The following ANKRD30A variants were observed in gnomAD, a reference collection of about 807,000 sequenced individuals.
The protein encoded by ANKRD30A is ankyrin repeat domain-containing protein 30A.
A neutral mutation model predicts 166.3 loss-of-function variants in ANKRD30A; 170 were observed. The observed-to-expected ratio is 1.02, with a 90% CI of 0.90 to 1.16. ANKRD30A has a LOEUF of 1.16. Among genes scored for constraint, ANKRD30A ranks in the 50% most tolerant of loss-of-function variants. ANKRD30A has a pLI of 0.00. For synonymous variants in ANKRD30A, 564 were observed against 508.9 expected (o/e 1.11, Z -1.46); for missense variants, 1,630 against 1,518.0 (o/e 1.07, Z -1.23).
intron 25 of ANKRD30A, among the ~76,000 whole-genome samples, chr10:37,190,562 G>A (rs942371886): frequency 6.6e-6 from 1 of 151,812 alleles, no homozygotes; most frequent in South Asian, 2.1e-4. Flanking sequence ...AAGAGCAGAA[G>A]TCTAGTGATT....
At chr10:37,129,596 A>T (rs1372572343) in intron 1 of ANKRD30A, among the ~76,000 whole-genome samples, 3 of 152,142 alleles carry the variant, frequency 2.0e-5, no homozygotes, top group South Asian at 2.1e-4. Flanking sequence ...TTGATGAGAA[A>T]ATTGAGGTGC....
intron 34 of ANKRD30A, among the ~76,000 whole-genome samples, chr10:37,222,235 C>G (rs965212974): frequency 6.6e-6 from 1 of 151,250 alleles, no homozygotes; most frequent in Non-Finnish European, 1.5e-5. Context: ...CTTCACATCT[C>G]TTAGTCATCA....
At chr10:37,248,638 C>T in the ANKRD30A span, among the ~76,000 whole-genome samples, 3 of 151,606 alleles carry the variant, frequency 2.0e-5, no homozygotes, top group Non-Finnish European at 2.9e-5. Flanking sequence ...ATTTTAAATA[C>T]AGTGTTTCTT....
Position 37,217,822 on chromosome 10 carries a change from C to T in ANKRD30A, c.3211C>T (p.Gln1071Ter), listed in dbSNP as rs979109513. 12 of 1,600,706 alleles carry T rather than the reference C, an allele frequency of 7.5e-6. No individual in the cohort carries two copies. The highest frequency in any genetic ancestry group is 1.0e-5 in the Non-Finnish European group (12 of 1,172,926). ...KELEVKQQLE[Q>*]ALRIQDIELK... ...GTTAGAAGTGAAACAACAACTTGAA[C>T]AGGCTCTCAGAATACAAGATATAGA... The change falls in exon 33 of 36, where the codon CAG becomes TAG. Residue 1071 changes from glutamine (Q) to a stop codon, truncating the protein, a stop_gained. Coordinates refer to ENST00000361713, the MANE Select transcript of ANKRD30A (RefSeq NM_052997.3). LOFTEE classifies it high-confidence loss of function.
chr10:37,213,136 ATGT>A (rs1564578697), intron 31 of ANKRD30A, among the ~76,000 whole-genome samples: 1 of 151,604 alleles, frequency 6.6e-6, no homozygotes, highest in African/African-American at 2.4e-5. Flanking sequence ...TCCATCTCTG[ATGT>A]TTTAGTTCTC....
At chr10:37,212,030 A>T (rs1842353770) in intron 31 of ANKRD30A, among the ~76,000 whole-genome samples, 1 of 152,030 alleles carries the variant, frequency 6.6e-6, no homozygotes. Context: ...GCAATCATGC[A>T]GGAGAAGGAA....
Position 37,231,489 on chromosome 10 carries a change from T to TTC in ANKRD30A, c.*22_*23dup. ...TCATGAGAGACAAGCAGTAAGAAAC[T>TTC]TCTTTTGGAGAAACAACAGACCAGA... On this transcript the variant is annotated 3_prime_UTR_variant, in exon 35 of 36. Transcript: ENST00000361713. 6.3e-7 allele frequency: 1 copy of TTC among 1,582,742 alleles called. No individual in the cohort carries two copies. The highest frequency in any genetic ancestry group is 8.6e-7 in the Non-Finnish European group (1 of 1,162,198).
chr10:37,213,668 G>A (rs1463542044), intron 31 of ANKRD30A, among the ~76,000 whole-genome samples: 3 of 149,766 alleles, frequency 2.0e-5, no homozygotes, highest in African/African-American at 4.9e-5. Flanking sequence ...TGTTGTAGAT[G>A]CATTTTACAA....
At chr10:37,167,668 T>C (rs936170202) in intron 19 of ANKRD30A, among the ~76,000 whole-genome samples, 1 of 151,898 alleles carries the variant, frequency 6.6e-6, no homozygotes, top group African/African-American at 2.4e-5. Context: ...CATGAGTGGA[T>C]TAAGAGATAT....
the ANKRD30A span, among the ~76,000 whole-genome samples, chr10:37,257,398 T>G: frequency 1.3e-5 from 2 of 152,092 alleles, no homozygotes; most frequent in Non-Finnish European, 2.9e-5. Flanking sequence ...CTCTGTCTCC[T>G]TCAGTTCTAC....
At chr10:37,235,431 A>C (rs1487317715), downstream of ANKRD30A, among the ~76,000 whole-genome samples, 1 of 152,168 alleles carries the variant, frequency 6.6e-6, no homozygotes, top group Admixed American at 6.5e-5. Context: ...CAGTGGTTTG[A>C]ATGTGCAAAC....
chr10:37,235,765 CTTTTT>C (rs947216787), downstream of ANKRD30A, among the ~76,000 whole-genome samples: 8 of 114,942 alleles, frequency 7.0e-5, no homozygotes, highest in Admixed American at 3.6e-4. Flanking sequence ...ATTTCATTCT[CTTTTT>C]TTTTTTTTTT....
the ANKRD30A span, chr10:37,264,524 C>G: frequency 4.7e-6 from 2 of 421,118 alleles, no homozygotes; most frequent in South Asian, 1.0e-4. Context: ...CTGTTTTCCT[C>G]TGCAGTTCAG....
At chr10:37,149,554 C>A in intron 9 of ANKRD30A, 97 bp from the exon 10 acceptor site, 1 of 1,417,990 alleles carries the variant, frequency 7.1e-7, no homozygotes, top group Non-Finnish European at 9.8e-7. Flanking sequence ...TTCTCAAAGT[C>A]GACCAAGAGG....
the ANKRD30A span, among the ~76,000 whole-genome samples, chr10:37,252,591 AT>A: frequency 3.3e-5 from 5 of 151,374 alleles, no homozygotes; most frequent in Non-Finnish European, 5.9e-5. Flanking sequence ...TCTTAGTCTA[AT>A]TTTTTTTCCT....
At chr10:37,139,116 C>T (rs1836927178) in intron 6 of ANKRD30A, among the ~76,000 whole-genome samples, 1 of 152,186 alleles carries the variant, frequency 6.6e-6, no homozygotes, top group South Asian at 2.1e-4. Context: ...ATTTCATATC[C>T]AGCCAAACTA....
chr10:37,126,215 G>A (rs1016760723), intron 1 of ANKRD30A, among the ~76,000 whole-genome samples: 8 of 152,156 alleles, frequency 5.3e-5, no homozygotes, highest in Admixed American at 2.0e-4. Flanking sequence ...CCTGCAGGGC[G>A]GAGGGCCCAT....
Position 37,219,757 on chromosome 10 carries a change from A to T in ANKRD30A, c.4045A>T (p.Lys1349Ter), listed in dbSNP as rs1842797131. The T allele has an allele frequency of 6.2e-7, 1 of 1,608,868 alleles. No homozygotes were observed. Among genetic ancestry groups the T allele is most frequent in the East Asian group, 2.2e-5 (1 of 44,664 alleles). ...ACATAAGAAAGCTGACAACAAAAGC[A>T]AGATAACAATTGATATTCATTTTCT... ...HAHKKADNKS[K>*]ITIDIHFLER... The change falls in exon 34 of 36, where the codon AAG (lysine) becomes TAG (stop). Residue 1349 changes from lysine to a stop codon, truncating the protein, a stop_gained. Coordinates refer to ENST00000361713, the MANE Select transcript of ANKRD30A (RefSeq NM_052997.3). LOFTEE classifies it high-confidence loss of function.
chr10:37,203,802 T>C (rs1346789095), intron 31 of ANKRD30A, among the ~76,000 whole-genome samples: 52 of 152,108 alleles, frequency 3.4e-4, no homozygotes, highest in East Asian at 3.9e-4. Context: ...TCAGGATACA[T>C]AATAAATGTG....
Sources: gnomAD v4.1 joint callset for allele counts (sites outside exome capture counted in the v4.1 genomes callset) on GRCh38, gnomAD v4.1.1 for gene constraint, MANE v1.5 for transcripts, NCBI Gene and HGNC (gene_info 2026-07-23, HGNC 2026-07-21) for gene names.